SEMA5A: variants seen among roughly 807,000 people sequenced by gnomAD.
SEMA5A encodes semaphorin-5A.
Under a neutral mutation model 135.5 loss-of-function variants are expected in SEMA5A, and 55 were observed. The ratio of observed to expected loss-of-function variants is 0.41; its 90% CI spans 0.33 to 0.51. The LOEUF is 0.51. SEMA5A is among the 20% of genes least tolerant of loss of function. The pLI is 0.37. For missense variants in SEMA5A, 1,290 were observed against 1,419.9 expected, an observed-to-expected ratio of 0.91 and a Z score of 1.47; for synonymous variants, 580 against 546.5, an observed-to-expected ratio of 1.06 and a Z score of -0.85.
In SEMA5A at chr5:9,353,098, G is replaced by GAAAGGAAAGGAAAGGAAAGGGAAAGGA. The variant is rs1378151075; in HGVS notation, c.125-15287_125-15286insTCCTTTCCCTTTCCTTTCCTTTCCTTT. Among the ~76,000 whole-genome samples, 24 of 21,792 alleles carry GAAAGGAAAGGAAAGGAAAGGGAAAGGA rather than the reference G, an allele frequency of 1.1e-3. 2 individuals are homozygous for GAAAGGAAAGGAAAGGAAAGGGAAAGGA. Among genetic ancestry groups the GAAAGGAAAGGAAAGGAAAGGGAAAGGA allele is most frequent in the Middle Eastern group, 0.071 (1 of 14 alleles). The allele number at this position is 21,792 out of a possible 152,430, so 14.3% of individuals were successfully genotyped here. ...GGAAAGGAAAGGAAAGGAAAGGAAG[G>GAAAGGAAAGGAAAGGAAAGGGAAAGGA]AAGGAAAGGAAAGGAAAGGAAAGGA... is the stretch of plus-strand genomic sequence containing the variant. On this transcript the variant is annotated intron_variant, in intron 3 of 22. Coordinates refer to ENST00000382496, the MANE Select transcript of SEMA5A (RefSeq NM_003966.3).
intron 11 of SEMA5A, among the ~76,000 whole-genome samples, chr5:9,177,134 G>T (rs1194705817): frequency 1.3e-5 from 2 of 152,176 alleles, no homozygotes; most frequent in Non-Finnish European, 2.9e-5. Flanking sequence ...AGGAGCAGGA[G>T]CAGCAGTGAT....
chr5:9,408,858 T>C (rs1315298810), intron 2 of SEMA5A, among the ~76,000 whole-genome samples: 1 of 151,724 alleles, frequency 6.6e-6, no homozygotes, highest in African/African-American at 2.4e-5. Flanking sequence ...TGTCATAGAG[T>C]CTAAGAGATA....
At chr5:9,194,519 G>A (rs373721317) in intron 10 of SEMA5A, among the ~76,000 whole-genome samples, 2 of 152,196 alleles carry the variant, frequency 1.3e-5, no homozygotes, top group Non-Finnish European at 1.5e-5. Flanking sequence ...GGGAGGGATC[G>A]TTAGTTCAAA....
intron 12 of SEMA5A, among the ~76,000 whole-genome samples, chr5:9,149,793 C>T (rs1742533767): frequency 6.6e-6 from 1 of 152,172 alleles, no homozygotes; most frequent in African/African-American, 2.4e-5. Context: ...AAAATAACAA[C>T]CTGATTTCTA....
intron 5 of SEMA5A, among the ~76,000 whole-genome samples, chr5:9,308,415 C>A (rs977030138): frequency 2.6e-5 from 4 of 152,148 alleles, no homozygotes; most frequent in Admixed American, 6.6e-5. Context: ...TCTATATATG[C>A]TCTAGAGCTG....
chr5:9,341,604 C>A (rs1279469505), intron 3 of SEMA5A, among the ~76,000 whole-genome samples: 1 of 148,840 alleles, frequency 6.7e-6, no homozygotes, highest in African/African-American at 2.5e-5. Flanking sequence ...GCTGAAATAA[C>A]CATATGATGA....
intron 3 of SEMA5A, among the ~76,000 whole-genome samples, chr5:9,340,393 A>G (rs1408516845): frequency 6.6e-6 from 1 of 152,208 alleles, no homozygotes; most frequent in Non-Finnish European, 1.5e-5. Context: ...TGAGCCTCTA[A>G]GAGGAAAAAA....
intron 12 of SEMA5A, among the ~76,000 whole-genome samples, chr5:9,145,803 T>C (rs1012285184): frequency 4.4e-5 from 1 of 22,932 alleles, no homozygotes. Flanking sequence ...CACATCCAGC[T>C]TTTTTTTTTT....
At chr5:9,311,210 T>C (rs577756870) in intron 5 of SEMA5A, among the ~76,000 whole-genome samples, 113 of 152,114 alleles carry the variant, frequency 7.4e-4, no homozygotes, top group Non-Finnish European at 1.3e-3. Context: ...ACACGCTAGA[T>C]GCCAGTCAAA....
At chr5:9,193,447 T>C (rs1745222173) in intron 10 of SEMA5A, among the ~76,000 whole-genome samples, 1 of 152,204 alleles carries the variant, frequency 6.6e-6, no homozygotes, top group Non-Finnish European at 1.5e-5. Context: ...TAATAAATAT[T>C]TGCACTTTTG....
chr5:9,378,967 T>A (rs1400301502), intron 3 of SEMA5A, among the ~76,000 whole-genome samples: 1 of 152,088 alleles, frequency 6.6e-6, no homozygotes, highest in Admixed American at 6.5e-5. Context: ...ATTTAATGGG[T>A]ATGAGATGAA....
intron 5 of SEMA5A, among the ~76,000 whole-genome samples, chr5:9,280,394 T>C (rs1750479465): frequency 6.6e-6 from 1 of 152,166 alleles, no homozygotes. Context: ...GCAGCATCAT[T>C]CTTCACAGGT....
At chr5:9,312,621 C>A (rs1354746086) in intron 5 of SEMA5A, among the ~76,000 whole-genome samples, 1 of 152,110 alleles carries the variant, frequency 6.6e-6, no homozygotes, top group Non-Finnish European at 1.5e-5. Flanking sequence ...AAGAGATTTA[C>A]CTCATACAGA....
chr5:9,146,629 T>C (rs1384784748), intron 12 of SEMA5A, among the ~76,000 whole-genome samples: 1 of 152,172 alleles, frequency 6.6e-6, no homozygotes, highest in Non-Finnish European at 1.5e-5. Context: ...CTAAGGCAAC[T>C]CCAAGGTCCT....
chr5:9,145,482 TAGG>T (rs1742279669), intron 12 of SEMA5A, among the ~76,000 whole-genome samples: 1 of 152,122 alleles, frequency 6.6e-6, no homozygotes, highest in Non-Finnish European at 1.5e-5. Flanking sequence ...ATAAAAATCT[TAGG>T]AGAAGTCCAG....
At chr5:9,206,580 A>G (rs1219887027) in intron 8 of SEMA5A, among the ~76,000 whole-genome samples, 2 of 152,154 alleles carry the variant, frequency 1.3e-5, no homozygotes, top group African/African-American at 4.8e-5. Flanking sequence ...ATGGGGGTAC[A>G]CCATATTCAA....
chr5:9,387,355 C>G (rs954791883), intron 2 of SEMA5A, among the ~76,000 whole-genome samples: 6 of 152,132 alleles, frequency 3.9e-5, no homozygotes, highest in Admixed American at 3.9e-4. Context: ...TACAGCTTTC[C>G]AAGATAGGAG....
intron 13 of SEMA5A, among the ~76,000 whole-genome samples, chr5:9,133,344 A>G (rs1245105742): frequency 6.6e-6 from 1 of 152,230 alleles, no homozygotes; most frequent in African/African-American, 2.4e-5. Context: ...GGTAGCCTAT[A>G]TAACCCAGAA....
chr5:9,112,051 T>A (rs1740272841), intron 15 of SEMA5A, among the ~76,000 whole-genome samples: 1 of 152,228 alleles, frequency 6.6e-6, no homozygotes, highest in Admixed American at 6.5e-5. Flanking sequence ...AAGAATGAGC[T>A]ACAATGTTTT....
Sources: allele counts gnomAD v4.1 joint callset (sites outside exome capture counted in the v4.1 genomes callset), GRCh38; gene constraint gnomAD v4.1.1; transcripts MANE v1.5; gene names NCBI Gene and HGNC (gene_info 2026-07-23, HGNC 2026-07-21).